CACUL1: variants seen among roughly 807,000 people sequenced by gnomAD.
CACUL1 encodes the protein CDK2-associated and cullin domain-containing protein 1.
Under a neutral mutation model 45.2 loss-of-function variants are expected in CACUL1, and 13 were observed. The ratio of observed to expected loss-of-function variants is 0.29; its 90% CI spans 0.19 to 0.46. The LOEUF (loss-of-function observed/expected upper bound fraction) is 0.46, where lower values mean the gene tolerates loss of function less well. CACUL1 is among the 20% of genes least tolerant of loss of function. CACUL1 has a pLI of 1.00. For synonymous variants in CACUL1, 197 were observed against 174.2 expected, an observed-to-expected ratio of 1.13 and a Z score of -1.03; for missense variants, 421 against 471.4, an observed-to-expected ratio of 0.89 and a Z score of 0.99.
At position 118,688,096 on chromosome 10, in the gene CACUL1, G is replaced by A. The variant is rs576212552; in HGVS notation, c.1026-1455C>T. Among the ~76,000 whole-genome samples, 12 of 152,320 alleles carry A rather than the reference G, an allele frequency of 7.9e-5. 2 individuals are homozygous for A. In the South Asian group the frequency reaches 1.9e-3, roughly 24 times the overall value. On this transcript the variant is annotated intron_variant, in intron 7 of 8. Coordinates refer to ENST00000369151, the MANE Select transcript of CACUL1 (RefSeq NM_153810.5). ...TTCTCTGGTTATGTTGAGGACCAGG[G>A]CAGAAACCTCTTGCTAAGCTAGGTA...
chr10:118,686,904 A>G (rs1335963324), intron 7 of CACUL1: 2 of 460,654 alleles, frequency 4.3e-6, no homozygotes, highest in African/African-American at 4.0e-5. Context: ...AAGAAAATAG[A>G]GGTTCTGACT....
chr10:118,680,550 A>T lies in CACUL1; in HGVS notation c.*5578T>A, dbSNP rs933905933. Reference sequence around the variant, plus strand: ...AAGGTTACAAATAACCTAGGGGATGACACTAATTTCATAGCAAGAAAACAC... The same window carrying T: ...AAGGTTACAAATAACCTAGGGGATGTCACTAATTTCATAGCAAGAAAACAC... On this transcript the variant is annotated 3_prime_UTR_variant, in exon 9 of 9. Transcript: ENST00000369151. The T allele has an allele frequency of 2.0e-5, 3 of 152,238 alleles. No individual in the cohort carries two copies. The highest frequency in any genetic ancestry group is 2.9e-5 in the Non-Finnish European group (2 of 68,044). 9.4% of individuals were successfully genotyped at this position (152,238 alleles called of 1,614,324 possible). A position where few individuals can be genotyped will look rare whatever the true frequency, so the allele number is the denominator to read the frequency against.
At chr10:118,732,944 T>C (rs11816366) in intron 1 of CACUL1, among the ~76,000 whole-genome samples, 7,259 of 152,180 alleles carry the variant, frequency 0.048, 560 homozygotes, top group African/African-American at 0.16. Context: ...CCACATGAAA[T>C]ACCTCTCTAC....
intron 3 of CACUL1, among the ~76,000 whole-genome samples, chr10:118,720,611 GGAT>G (rs1845590831): frequency 6.6e-6 from 1 of 152,124 alleles, no homozygotes; most frequent in Non-Finnish European, 1.5e-5. Context: ...TCCAAGTTCT[GGAT>G]GATGTTTTAC....
intron 5 of CACUL1, among the ~76,000 whole-genome samples, chr10:118,697,189 C>CTACG (rs1845331562): frequency 6.6e-6 from 1 of 152,140 alleles, no homozygotes. Context: ...TTAGTAAGTG[C>CTACG]TACGTACTTT....
chr10:118,681,357 G>GAGTA lies in CACUL1; in HGVS notation c.*4767_*4770dup, dbSNP rs1388572093. 1 of 152,156 alleles carries GAGTA rather than the reference G, an allele frequency of 6.6e-6. No homozygotes were observed. Among genetic ancestry groups the GAGTA allele is most frequent in the African/African-American group, 2.4e-5 (1 of 41,412 alleles). 9.4% of individuals were successfully genotyped at this position (152,156 alleles called of 1,614,324 possible). A position where few individuals can be genotyped will look rare whatever the true frequency, so the allele number is the denominator to read the frequency against. ...CATAGCTTCCCATGACTTCACATTT[G>GAGTA]AGTAAGTTATCCTGAAGTGTGTGGC... is the stretch of plus-strand genomic sequence containing the variant. On this transcript the variant is annotated 3_prime_UTR_variant, in exon 9 of 9. Coordinates refer to ENST00000369151, the MANE Select transcript of CACUL1 (RefSeq NM_153810.5).
chr10:118,749,691 G>A (rs984604678), intron 1 of CACUL1, among the ~76,000 whole-genome samples: 20 of 152,234 alleles, frequency 1.3e-4, no homozygotes, highest in African/African-American at 4.3e-4. Flanking sequence ...GGAAATCACT[G>A]AGACTTTTCA....
chr10:118,736,481 G>A (rs1191175095), intron 1 of CACUL1, among the ~76,000 whole-genome samples: 2 of 151,820 alleles, frequency 1.3e-5, no homozygotes, highest in African/African-American at 4.8e-5. Flanking sequence ...TCCCTCTGGG[G>A]CTCAAGTGAT....
In CACUL1 at chr10:118,679,934, G is replaced by A. The variant is rs1845137612; in HGVS notation, c.*6194C>T. On this transcript the variant is annotated 3_prime_UTR_variant, in exon 9 of 9. Coordinates refer to ENST00000369151, the MANE Select transcript of CACUL1 (RefSeq NM_153810.5). ...CTCTCAGTGTTGGGATTACAGGTGT[G>A]AGCCACTTTTTCTTTACATATTTTG... The A allele has an allele frequency of 6.6e-6, 1 of 152,146 alleles. No homozygotes were observed. Among genetic ancestry groups the A allele is most frequent in the African/African-American group, 2.4e-5 (1 of 41,406 alleles). 9.4% of individuals were successfully genotyped at this position (152,146 alleles called of 1,614,324 possible).
chr10:118,751,947 T>C (rs769171811), intron 1 of CACUL1, among the ~76,000 whole-genome samples: 1 of 152,182 alleles, frequency 6.6e-6, no homozygotes, highest in Non-Finnish European at 1.5e-5. Context: ...TATTATTACA[T>C]ATAGTATTTA....
chr10:118,747,262 A>G (rs1845851558), intron 1 of CACUL1, among the ~76,000 whole-genome samples: 1 of 152,228 alleles, frequency 6.6e-6, no homozygotes, highest in Non-Finnish European at 1.5e-5. Flanking sequence ...AACCAGTACA[A>G]GTGCCAATTA....
In CACUL1 at chr10:118,754,475, C is replaced by T. The variant is rs1445100968; in HGVS notation, c.288G>A (p.Ala96=). 2 of 1,610,182 alleles carry T rather than the reference C, an allele frequency of 1.2e-6. No individual in the cohort carries two copies. The highest frequency in any genetic ancestry group is 2.2e-5 in the South Asian group (2 of 90,694). Residue 96 remains alanine, a synonymous_variant, in exon 1 of 9, where the codon GCG becomes GCA. Coordinates refer to ENST00000369151, the MANE Select transcript of CACUL1 (RefSeq NM_153810.5). ...GGGCCGCCTTGGCCACGGCGGCGGCCGCGTCGCAGCTCTTCAACATCATGA... is the reference window on the plus strand; with the variant it reads ...GGGCCGCCTTGGCCACGGCGGCGGCTGCGTCGCAGCTCTTCAACATCATGA... ...GVIMMLKSCD[A]AAAVAKAAPA...
Position 118,707,533 on chromosome 10 carries a change from T to C in CACUL1, c.652A>G (p.Met218Val), listed in dbSNP as rs1259450799. Reference sequence around the variant, plus strand: ...GGCACAATGCTCTGCAATGCTCCCATATATTGTCCAAGAGCTATATTAAAT... The same window carrying C: ...GGCACAATGCTCTGCAATGCTCCCACATATTGTCCAAGAGCTATATTAAAT... The part of the protein sequence containing the change: ...ERFNIALGQY[M>V]GALQSIVPLF... Residue 218 changes from methionine to valine, a missense_variant, in exon 4 of 9, where the codon ATG becomes GTG. Physicochemically the swap from Met to Val is conservative, Grantham distance 21. Transcript: ENST00000369151. The C allele has an allele frequency of 2.5e-6, 4 of 1,588,588 alleles. No individual in the cohort carries two copies. Among genetic ancestry groups the C allele is most frequent in the Non-Finnish European group, 2.6e-6 (3 of 1,157,456 alleles).
intron 1 of CACUL1, among the ~76,000 whole-genome samples, chr10:118,732,294 T>C (rs901410937): frequency 2.0e-5 from 3 of 152,182 alleles, no homozygotes; most frequent in African/African-American, 7.2e-5. Flanking sequence ...ATAGATTAGA[T>C]GTGAGATGTG....
At position 118,678,990 on chromosome 10, in the gene CACUL1, C is replaced by A. The variant is rs1269357161; in HGVS notation, c.*7138G>T. 1 of 152,090 alleles carries A rather than the reference C, an allele frequency of 6.6e-6. No homozygotes were observed. Among genetic ancestry groups the A allele is most frequent in the African/African-American group, 2.4e-5 (1 of 41,414 alleles). 9.4% of individuals were successfully genotyped at this position (152,090 alleles called of 1,614,324 possible). A position where few individuals can be genotyped will look rare whatever the true frequency, so the allele number is the denominator to read the frequency against. ...ATTATGTTGGTAGACTGACCTATTT[C>A]TCTTTGTAGTGTGTTCATTTTTCCT... On this transcript the variant is annotated 3_prime_UTR_variant, in exon 9 of 9. Transcript: ENST00000369151.
At chr10:118,712,607 G>C (rs1223857417) in intron 3 of CACUL1, among the ~76,000 whole-genome samples, 1 of 152,244 alleles carries the variant, frequency 6.6e-6, no homozygotes, top group Non-Finnish European at 1.5e-5. Flanking sequence ...CAGCTCAGAG[G>C]AAAGCTGCAG....
At chr10:118,727,273 G>A (rs1845660569) in intron 3 of CACUL1, among the ~76,000 whole-genome samples, 1 of 151,796 alleles carries the variant, frequency 6.6e-6, no homozygotes, top group Non-Finnish European at 1.5e-5. Context: ...TGCACCTGTA[G>A]TGCCAGCAAC....
At chr10:118,743,375 A>T (rs985086712) in intron 1 of CACUL1, among the ~76,000 whole-genome samples, 1 of 152,168 alleles carries the variant, frequency 6.6e-6, no homozygotes, top group African/African-American at 2.4e-5. Context: ...AAAAGAACAT[A>T]AAAAATTGCG....
intron 1 of CACUL1, among the ~76,000 whole-genome samples, chr10:118,745,029 T>C (rs1845827891): frequency 6.6e-6 from 1 of 152,192 alleles, no homozygotes; most frequent in African/African-American, 2.4e-5. Context: ...AATTATGACA[T>C]ATATTAAAGT....
Sources: gnomAD v4.1 joint callset for allele counts (sites outside exome capture counted in the v4.1 genomes callset) on GRCh38, gnomAD v4.1.1 for gene constraint, MANE v1.5 for transcripts, NCBI Gene and HGNC (gene_info 2026-07-23, HGNC 2026-07-21) for gene names.